Variants in PKNOX2 observed in about 807,000 individuals in gnomAD.
The protein encoded by PKNOX2 is PBX/knotted 1 homeobox 2, also known as homeobox protein PKNOX2.
A neutral mutation model predicts 53.1 loss-of-function variants in PKNOX2; 14 were observed. The observed-to-expected ratio is 0.26, with a 90% CI of 0.17 to 0.41. The LOEUF is 0.41. Ranked by LOEUF, PKNOX2 falls within the 10% of genes least tolerant of loss-of-function variation. The pLI, the probability that PKNOX2 is intolerant of heterozygous loss-of-function variation, is 1.00. For missense variants in PKNOX2, 496 were observed against 602.8 expected, an observed-to-expected ratio of 0.82 and a Z score of 1.85; for synonymous variants, 257 against 242.8, an observed-to-expected ratio of 1.06 and a Z score of -0.54.
At chr11:125,267,025 G>C (rs190110170) in intron 2 of PKNOX2, among the ~76,000 whole-genome samples, 2 of 152,300 alleles carry the variant, frequency 1.3e-5, no homozygotes, top group Admixed American at 1.3e-4. Context: ...AGGCTGTTTA[G>C]AGGCCATGAG....
intron 4 of PKNOX2, among the ~76,000 whole-genome samples, chr11:125,362,085 C>G (rs1373100981): frequency 6.6e-6 from 1 of 152,134 alleles, no homozygotes; most frequent in Non-Finnish European, 1.5e-5. Flanking sequence ...CTGGGACCAG[C>G]AGTGAGGACG....
At chr11:125,180,490 G>A (rs1416665979) in intron 1 of PKNOX2, among the ~76,000 whole-genome samples, 1 of 152,206 alleles carries the variant, frequency 6.6e-6, no homozygotes, top group East Asian at 1.9e-4. Context: ...TGTCAGAATT[G>A]GAAGGAACTA....
chr11:125,389,023 C>A (rs996631137), intron 6 of PKNOX2, among the ~76,000 whole-genome samples: 2 of 152,136 alleles, frequency 1.3e-5, no homozygotes, highest in South Asian at 4.1e-4. Flanking sequence ...GGCGAAACCT[C>A]GTCTCTACTA....
At chr11:125,220,598 C>T (rs116764237) in intron 1 of PKNOX2, among the ~76,000 whole-genome samples, 16 of 152,258 alleles carry the variant, frequency 1.1e-4, no homozygotes, top group African/African-American at 3.4e-4. Context: ...GAAACAATGG[C>T]AGGTCACTGG....
chr11:125,292,894 C>T (rs1947394129), intron 2 of PKNOX2, among the ~76,000 whole-genome samples: 1 of 152,090 alleles, frequency 6.6e-6, no homozygotes, highest in Non-Finnish European at 1.5e-5. Flanking sequence ...GTGGGGATCT[C>T]GGAGAACCAG....
intron 2 of PKNOX2, among the ~76,000 whole-genome samples, chr11:125,287,099 C>G (rs936206713): frequency 3.9e-5 from 6 of 152,292 alleles, no homozygotes; most frequent in Middle Eastern, 3.4e-3. Flanking sequence ...TTGCTGTTGA[C>G]AGTCTGATGA....
chr11:125,338,310 G>T (rs950064620), intron 3 of PKNOX2, among the ~76,000 whole-genome samples: 1 of 152,160 alleles, frequency 6.6e-6, no homozygotes, highest in African/African-American at 2.4e-5. Flanking sequence ...TTTTTCTCAC[G>T]TTTATGAACT....
At position 125,350,988 on chromosome 11, in the gene PKNOX2, C is replaced by G. The variant is rs575145870; in HGVS notation, c.-22-296C>G. On this transcript the variant is annotated intron_variant, in intron 3 of 12. Coordinates refer to ENST00000298282, the MANE Select transcript of PKNOX2 (RefSeq NM_001382323.2). The stretch of plus-strand genomic sequence containing the variant: ...AGGCAGGCCCCCTCCCTCTTCGTGC[C>G]CCCTCCCCACACGTACAACAGGCCG... Among the ~76,000 whole-genome samples the G allele has an allele frequency of 2.0e-5, 3 of 152,254 alleles. No homozygotes were observed. In the South Asian group the frequency reaches 6.2e-4, roughly 32 times the overall value.
intron 2 of PKNOX2, among the ~76,000 whole-genome samples, chr11:125,267,717 CGT>C (rs1300532455): frequency 1.3e-5 from 2 of 151,896 alleles, no homozygotes; most frequent in South Asian, 2.1e-4. Flanking sequence ...TGTGTATGCA[CGT>C]GTGTGTGTGC....
intron 1 of PKNOX2, among the ~76,000 whole-genome samples, chr11:125,212,392 A>T (rs1259459870): frequency 1.3e-5 from 2 of 150,808 alleles, no homozygotes; most frequent in African/African-American, 4.9e-5. Context: ...TATACCTGAC[A>T]TTGTATCTGA....
At chr11:125,411,462 T>G (rs77110835) in intron 9 of PKNOX2, 10 of 250,836 alleles carry the variant, frequency 4.0e-5, no homozygotes, top group Non-Finnish European at 5.2e-5. Flanking sequence ...TCCTCTGTCT[T>G]TCTCTCTCTC....
intron 2 of PKNOX2, among the ~76,000 whole-genome samples, chr11:125,260,504 TG>T (rs1397519752): frequency 2.0e-5 from 3 of 152,096 alleles, no homozygotes; most frequent in African/African-American, 7.2e-5. Flanking sequence ...GCCTGTTTTA[TG>T]GTTTTTTTTA....
chr11:125,365,010 T>C (rs1381142501), intron 4 of PKNOX2, among the ~76,000 whole-genome samples: 1 of 152,058 alleles, frequency 6.6e-6, no homozygotes, highest in Non-Finnish European at 1.5e-5. Flanking sequence ...GTTGGGGTAT[T>C]GGAAAGGTAT....
intron 10 of PKNOX2, among the ~76,000 whole-genome samples, chr11:125,426,353 C>T (rs1956416208): frequency 6.6e-6 from 1 of 152,216 alleles, no homozygotes; most frequent in South Asian, 2.1e-4. Context: ...CACAGACTTC[C>T]CATTAATAGA....
At chr11:125,428,966 G>C (rs772881251) in intron 10 of PKNOX2, 46 bp from the exon 11 acceptor site, 1 of 1,559,290 alleles carries the variant, frequency 6.4e-7, no homozygotes, top group South Asian at 1.1e-5. Context: ...GGGGGGGCCA[G>C]ATCAGCATAT....
At chr11:125,300,482 T>G (rs1287112575) in intron 2 of PKNOX2, among the ~76,000 whole-genome samples, 4 of 152,182 alleles carry the variant, frequency 2.6e-5, no homozygotes, top group African/African-American at 9.6e-5. Context: ...GAACCAAGAT[T>G]TAAGCCCTGG....
chr11:125,355,793 C>A (rs1490451969), intron 4 of PKNOX2, among the ~76,000 whole-genome samples: 1 of 152,128 alleles, frequency 6.6e-6, no homozygotes, highest in Non-Finnish European at 1.5e-5. Context: ...CCAGAATTTT[C>A]TTGGGAACAC....
At chr11:125,415,182 G>T (rs1955804090) in intron 10 of PKNOX2, among the ~76,000 whole-genome samples, 1 of 150,190 alleles carries the variant, frequency 6.7e-6, no homozygotes, top group Non-Finnish European at 1.5e-5. Flanking sequence ...CACCCCAAAA[G>T]AGGTTCCATG....
intron 1 of PKNOX2, among the ~76,000 whole-genome samples, chr11:125,201,228 C>T (rs1479057836): frequency 6.6e-6 from 1 of 152,148 alleles, no homozygotes; most frequent in Non-Finnish European, 1.5e-5. Flanking sequence ...TTCCTTTCCA[C>T]TTTCCAGTGG....
Sources: gnomAD v4.1 joint callset for allele counts (sites outside exome capture counted in the v4.1 genomes callset) on GRCh38, gnomAD v4.1.1 for gene constraint, MANE v1.5 for transcripts, NCBI Gene and HGNC (gene_info 2026-07-23, HGNC 2026-07-21) for gene names.